RBM20: variants seen among roughly 807,000 people sequenced by gnomAD.
RBM20 encodes RNA binding motif protein 20.
A neutral mutation model predicts 110.1 loss-of-function variants in RBM20; 51 were observed. The ratio of observed to expected loss-of-function variants is 0.46; its 90% CI spans 0.37 to 0.59. The LOEUF is 0.59. Ranked by LOEUF, RBM20 falls within the 20% of genes least tolerant of loss-of-function variation. RBM20 has a pLI of 0.00. For missense variants in RBM20, 1,512 were observed against 1,574.9 expected (o/e 0.96, Z 0.68); for synonymous variants, 589 against 618.2 (o/e 0.95, Z 0.70).
At chr10:110,729,047 T>C (rs527284036) in intron 1 of RBM20, among the ~76,000 whole-genome samples, 1 of 152,340 alleles carries the variant, frequency 6.6e-6, no homozygotes, top group South Asian at 2.1e-4. Context: ...TTTAATACTG[T>C]TCGCCGAGAC....
intron 1 of RBM20, among the ~76,000 whole-genome samples, chr10:110,707,875 A>G (rs1005793395): frequency 6.6e-6 from 1 of 152,234 alleles, no homozygotes; most frequent in South Asian, 2.1e-4. Flanking sequence ...CTTATTGTAC[A>G]TTTAAAAATA....
chr10:110,702,604 G>A (rs1179278305), intron 1 of RBM20, among the ~76,000 whole-genome samples: 1 of 152,238 alleles, frequency 6.6e-6, no homozygotes, highest in Non-Finnish European at 1.5e-5. Context: ...GGAAGGATGT[G>A]TCATGCTTTC....
intron 1 of RBM20, among the ~76,000 whole-genome samples, chr10:110,719,899 T>C (rs964014978): frequency 5.9e-5 from 9 of 152,064 alleles, no homozygotes; most frequent in Non-Finnish European, 1.2e-4. Context: ...GTAGCTTAAA[T>C]AAACATTTAT....
chr10:110,717,079 C>T (rs749145381), intron 1 of RBM20, among the ~76,000 whole-genome samples: 1 of 152,002 alleles, frequency 6.6e-6, no homozygotes, highest in Non-Finnish European at 1.5e-5. Context: ...TTTGTCTTGT[C>T]CGTGTTTCTT....
chr10:110,813,897 G>T (rs942026819), intron 9 of RBM20, among the ~76,000 whole-genome samples: 5 of 151,054 alleles, frequency 3.3e-5, no homozygotes, highest in South Asian at 2.1e-4. Flanking sequence ...CATCTGAAAG[G>T]TCTGAGGGCT....
At chr10:110,702,097 G>A (rs906124106) in intron 1 of RBM20, among the ~76,000 whole-genome samples, 14 of 150,138 alleles carry the variant, frequency 9.3e-5, no homozygotes, top group Non-Finnish European at 2.1e-4. Flanking sequence ...TCTGAAATGT[G>A]CTCCCCAATG....
At chr10:110,785,386 T>TA (rs1844407483) in intron 5 of RBM20, among the ~76,000 whole-genome samples, 1 of 152,044 alleles carries the variant, frequency 6.6e-6, no homozygotes, top group Non-Finnish European at 1.5e-5. Flanking sequence ...GCCAAGGAGA[T>TA]CATCACACTT....
intron 2 of RBM20, 97 bp downstream of exon 2, chr10:110,781,981 GCATT>G (rs1366646054): frequency 4.9e-6 from 7 of 1,431,866 alleles, no homozygotes; most frequent in African/African-American, 1.4e-5. Flanking sequence ...AGGAACTGTT[GCATT>G]GGGGTAACAG....
intron 1 of RBM20, among the ~76,000 whole-genome samples, chr10:110,685,548 C>G (rs1026165040): frequency 6.6e-6 from 1 of 152,172 alleles, no homozygotes; most frequent in Non-Finnish European, 1.5e-5. Context: ...TAGCAAGTCC[C>G]TAGTAGTCCA....
At chr10:110,727,143 CTTTTT>C (rs57606079) in intron 1 of RBM20, among the ~76,000 whole-genome samples, 1 of 80,656 alleles carries the variant, frequency 1.2e-5, no homozygotes, top group African/African-American at 5.3e-5. Context: ...TGCACCCAGC[CTTTTT>C]TTTTTTTTTT....
At chr10:110,685,600 G>A (rs1397233643) in intron 1 of RBM20, among the ~76,000 whole-genome samples, 1 of 152,198 alleles carries the variant, frequency 6.6e-6, no homozygotes, top group Non-Finnish European at 1.5e-5. Context: ...GGGAGGGCGG[G>A]CAGGAAAAGA....
At chr10:110,728,104 A>G (rs1295514040) in intron 1 of RBM20, among the ~76,000 whole-genome samples, 1 of 152,208 alleles carries the variant, frequency 6.6e-6, no homozygotes, top group Non-Finnish European at 1.5e-5. Context: ...TAGTGCTGTA[A>G]TAAACATACG....
At chr10:110,808,927 T>C (rs1263624234) in intron 7 of RBM20, among the ~76,000 whole-genome samples, 1 of 152,126 alleles carries the variant, frequency 6.6e-6, no homozygotes, top group Non-Finnish European at 1.5e-5. Context: ...TCTTATTGCA[T>C]GATTTAGCTG....
chr10:110,644,930 G>A lies in RBM20; in HGVS notation c.191+285G>A, dbSNP rs1325620154. On this transcript the variant is annotated intron_variant, in intron 1 of 13. Transcript: ENST00000369519. The surrounding 1 kb of genome is among the most constrained non-coding windows in gnomAD (Gnocchi z 4.3). ...ATTTTGAACTAAAATAGCTCAGATTGGGGGGAAATGGCCCAGCGACTGTAT... is the reference window on the plus strand; with the variant it reads ...ATTTTGAACTAAAATAGCTCAGATTAGGGGGAAATGGCCCAGCGACTGTAT... Among the ~76,000 whole-genome samples, 1 of 152,102 alleles carries A rather than the reference G, an allele frequency of 6.6e-6. No individual in the cohort carries two copies. The highest frequency in any genetic ancestry group is 2.4e-5 in the African/African-American group (1 of 41,406).
At chr10:110,832,786 A>G (rs1163438600) in intron 13 of RBM20, among the ~76,000 whole-genome samples, 1 of 152,120 alleles carries the variant, frequency 6.6e-6, no homozygotes, top group Non-Finnish European at 1.5e-5. Context: ...GCCCAAACTC[A>G]AGTCACTTAA....
rs527343150 is a variant in RBM20, at chr10:110,774,308, A to G, written c.192-6493A>G. 3.3e-5 allele frequency among the ~76,000 whole-genome samples: 5 copies of G among 152,356 alleles called. No individual in the cohort carries two copies. In the South Asian group the frequency reaches 1.0e-3, roughly 32 times the overall value. ...GTTATGAATCATTCCAAGAGGTGTC[A>G]TGGTGATATGAATCATCATATGGTA... On this transcript the variant is annotated intron_variant, in intron 1 of 13. Transcript: ENST00000369519.
At chr10:110,809,838 C>T (rs1244155042) in intron 7 of RBM20, among the ~76,000 whole-genome samples, 2 of 152,110 alleles carry the variant, frequency 1.3e-5, no homozygotes, top group African/African-American at 4.8e-5. Context: ...TTGAAGTGTT[C>T]CTTAACCCAA....
chr10:110,783,857 T>C (rs2146545), intron 3 of RBM20, among the ~76,000 whole-genome samples: 19,792 of 152,218 alleles, frequency 0.13, 1,500 homozygotes, highest in East Asian at 0.22. Context: ...ATATTTTCAT[T>C]ACTCCAAAAG....
At chr10:110,748,014 G>A (rs980634451) in intron 1 of RBM20, among the ~76,000 whole-genome samples, 1 of 152,158 alleles carries the variant, frequency 6.6e-6, no homozygotes, top group African/African-American at 2.4e-5. Context: ...TTACTGTCTT[G>A]TTCTATTAAA....
Sources: allele counts gnomAD v4.1 joint callset (sites outside exome capture counted in the v4.1 genomes callset), GRCh38; gene constraint gnomAD v4.1.1; non-coding constraint Gnocchi (gnomAD v3.1); transcripts MANE v1.5; gene names NCBI Gene and HGNC (gene_info 2026-07-23, HGNC 2026-07-21).